Variants in WFDC8 observed in about 807,000 individuals in gnomAD.
The protein encoded by WFDC8 is WAP four-disulfide core domain protein 8.
WFDC8 carries 24 observed loss-of-function variants against 27.0 expected under a neutral mutation model. The observed-to-expected ratio is 0.89, with a 90% CI of 0.64 to 1.25. The LOEUF is 1.25. WFDC8 is among the 50% of genes most tolerant of loss of function. The pLI is 0.00. For synonymous variants in WFDC8, 106 were observed against 99.7 expected, an observed-to-expected ratio of 1.06 and a Z score of -0.38; for missense variants, 287 against 295.9, an observed-to-expected ratio of 0.97 and a Z score of 0.22.
At chr20:45,572,158 T>C (rs1980889648) in intron 1 of WFDC8, among the ~76,000 whole-genome samples, 1 of 152,122 alleles carries the variant, frequency 6.6e-6, no homozygotes, top group Non-Finnish European at 1.5e-5. Flanking sequence ...CCCAGCACTT[T>C]GGGAGGCCGA....
chr20:45,559,490 G>T (rs985274631), intron 2 of WFDC8, among the ~76,000 whole-genome samples: 3 of 152,170 alleles, frequency 2.0e-5, no homozygotes, highest in Non-Finnish European at 1.5e-5. Flanking sequence ...AGTGGAAGAA[G>T]CATTGTAGTC....
intron 4 of WFDC8, among the ~76,000 whole-genome samples, chr20:45,554,519 A>G (rs1980168948): frequency 6.6e-6 from 1 of 152,188 alleles, no homozygotes; most frequent in African/African-American, 2.4e-5. Context: ...TGCAAATTCT[A>G]CAAGGGCTTC....
At chr20:45,578,711 T>C (rs551239830) in intron 1 of WFDC8, among the ~76,000 whole-genome samples, 6 of 152,224 alleles carry the variant, frequency 3.9e-5, no homozygotes, top group Non-Finnish European at 8.8e-5. Flanking sequence ...GAATGAATAG[T>C]TGTGAATAAT....
At chr20:45,566,221 C>T (rs1180042033) in intron 1 of WFDC8, among the ~76,000 whole-genome samples, 2 of 152,008 alleles carry the variant, frequency 1.3e-5, no homozygotes, top group African/African-American at 4.8e-5. Context: ...AAAAACAAAT[C>T]CTTTTGCAAG....
At chr20:45,560,080 A>G (rs1980413594) in intron 2 of WFDC8, among the ~76,000 whole-genome samples, 1 of 152,226 alleles carries the variant, frequency 6.6e-6, no homozygotes, top group African/African-American at 2.4e-5. Flanking sequence ...TTTAAGGTCT[A>G]ATCTCTGGCC....
In WFDC8 at chr20:45,557,582, G is replaced by A. The variant is rs192786892; in HGVS notation, c.277+1270C>T. 3.3e-3 allele frequency among the ~76,000 whole-genome samples: 504 copies of A among 152,086 alleles called. 3 individuals carry two copies. The highest frequency in any genetic ancestry group is 0.011 in the African/African-American group (471 of 41,470). The stretch of plus-strand genomic sequence containing the variant: ...TGAGTAGCCGGGATTACAGGCACCC[G>A]CCAACATGCCCAGCTAATTTTTGTA... On this transcript the variant is annotated intron_variant, in intron 3 of 5. Transcript: ENST00000289953.
chr20:45,574,252 G>A lies in WFDC8; in HGVS notation c.26+4970C>T, dbSNP rs565333630. Among the ~76,000 whole-genome samples the A allele has an allele frequency of 3.3e-3, 496 of 152,150 alleles. 3 individuals are homozygous for A. Among genetic ancestry groups the A allele is most frequent in the African/African-American group, 0.011 (470 of 41,496 alleles). ...ATCGAAGAAAAATCTAGGATCTGAT[G>A]GCTTCATGACTTCATTCTACCAAAC... On this transcript the variant is annotated intron_variant, in intron 1 of 5. Transcript: ENST00000289953.
At chr20:45,572,500 A>C (rs921277667) in intron 1 of WFDC8, among the ~76,000 whole-genome samples, 1 of 151,892 alleles carries the variant, frequency 6.6e-6, no homozygotes, top group Non-Finnish European at 1.5e-5. Flanking sequence ...GCATGAGGTG[A>C]TACCTCATTG....
Position 45,558,884 on chromosome 20 carries a change from G to A in WFDC8, c.245C>T (p.Ala82Val). The A allele has an allele frequency of 6.2e-7, 1 of 1,614,122 alleles. No individual in the cohort carries two copies. Among genetic ancestry groups the A allele is most frequent in the South Asian group, 1.1e-5 (1 of 91,080 alleles). The change falls in exon 3 of 6, where the codon GCC becomes GTC. Residue 82 changes from alanine (A) to valine (V), a missense_variant. By Grantham distance (64) the Ala-to-Val change is moderately conservative. Transcript: ENST00000289953. ...CKEYQKCCFF[A>V]CQKKCMDPFQ... ...GGGATCCATGCACTTCTTCTGACAG[G>A]CAAAAAAGCAGCACTTCTGGTATTC...
At chr20:45,572,964 AGTT>A (rs1980920971) in intron 1 of WFDC8, among the ~76,000 whole-genome samples, 1 of 152,184 alleles carries the variant, frequency 6.6e-6, no homozygotes, top group Non-Finnish European at 1.5e-5. Flanking sequence ...TTTTAAATTG[AGTT>A]GTTTTCTTAC....
chr20:45,556,902 G>T (rs1440677312), intron 3 of WFDC8, among the ~76,000 whole-genome samples: 1 of 152,130 alleles, frequency 6.6e-6, no homozygotes, highest in Non-Finnish European at 1.5e-5. Flanking sequence ...ACTTCCCAAA[G>T]CCAAACTTGC....
In WFDC8 at chr20:45,551,950, A is replaced by G; in HGVS notation, c.*76T>C. 1 of 1,548,918 alleles carries G rather than the reference A, an allele frequency of 6.5e-7. No homozygotes were observed. Among genetic ancestry groups the G allele is most frequent in the Non-Finnish European group, 8.8e-7 (1 of 1,140,498 alleles). ...CTTAAGATAATTTGGCAAGTTGGAT[A>G]CAAGACAAAACTGACAGCTCTTTAT... On this transcript the variant is annotated 3_prime_UTR_variant, in exon 6 of 6. Coordinates refer to ENST00000289953, the MANE Select transcript of WFDC8 (RefSeq NM_130896.3).
Position 45,554,586 on chromosome 20 carries a change from C to T in WFDC8, c.445+1115G>A, listed in dbSNP as rs374344465. Among the ~76,000 whole-genome samples the T allele has an allele frequency of 7.9e-5, 12 of 152,324 alleles. No homozygotes were observed. The East Asian group carries it at 1.5e-3, about 20-fold the overall frequency. On this transcript the variant is annotated intron_variant, in intron 4 of 5. Transcript: ENST00000289953. ...ACTCTCAGAGGTATTATCAGGTTGC[C>T]TCTGAGTCTTAACCTAAATTTCCCA...
At chr20:45,564,887 AG>A (rs1209562466) in intron 1 of WFDC8, among the ~76,000 whole-genome samples, 1 of 148,264 alleles carries the variant, frequency 6.7e-6, no homozygotes, top group African/African-American at 2.5e-5. Context: ...GGAGAGGAGA[AG>A]AGAATAGGGG....
In WFDC8 at chr20:45,571,724, T is replaced by C. The variant is rs575810775; in HGVS notation, c.26+7498A>G. Among the ~76,000 whole-genome samples the C allele has an allele frequency of 5.3e-5, 8 of 152,364 alleles. No homozygotes were observed. The South Asian group carries it at 1.7e-3, about 32-fold the overall frequency. ...TTAGATTCCACATGTAAGTGAGACA[T>C]GCAATATTTGTCTTTCTCTGCCTGG... is the stretch of plus-strand genomic sequence containing the variant. On this transcript the variant is annotated intron_variant, in intron 1 of 5. Coordinates refer to ENST00000289953, the MANE Select transcript of WFDC8 (RefSeq NM_130896.3).
At chr20:45,552,367 C>A (rs551086704) in intron 5 of WFDC8, among the ~76,000 whole-genome samples, 1 of 152,272 alleles carries the variant, frequency 6.6e-6, no homozygotes, top group South Asian at 2.1e-4. Context: ...AAAAGTCTTA[C>A]CATCTCTGAC....
At chr20:45,555,321 T>A (rs1980197895) in intron 4 of WFDC8, among the ~76,000 whole-genome samples, 1 of 152,148 alleles carries the variant, frequency 6.6e-6, no homozygotes, top group African/African-American at 2.4e-5. Flanking sequence ...ATTCCAGAGC[T>A]GGCCTGTCTA....
In WFDC8 at chr20:45,552,053, T is replaced by C. The variant is rs777616307; in HGVS notation, c.699A>G (p.Gly233=). ...AACGTCTGGGGTCCATACATTTCAG[T>C]CCACAATGTGAGCAGCACTTTTCCA... ...PLVEKCCSHC[G]LKCMDPRR is the part of the protein sequence containing the mutation. The change falls in exon 6 of 6, where the codon GGA becomes GGG. Residue 233 remains glycine, a synonymous_variant. Coordinates refer to ENST00000289953, the MANE Select transcript of WFDC8 (RefSeq NM_130896.3). 6 of 1,614,106 alleles carry C rather than the reference T, an allele frequency of 3.7e-6. No individual in the cohort carries two copies. In the Admixed American group the frequency reaches 1.0e-4, roughly 27 times the overall value.
chr20:45,578,353 A>G (rs910464496), intron 1 of WFDC8, among the ~76,000 whole-genome samples: 3 of 151,388 alleles, frequency 2.0e-5, no homozygotes, highest in African/African-American at 7.3e-5. Flanking sequence ...TTGGTGTACA[A>G]AGAACTTTGA....
Sources: gnomAD v4.1 joint callset for allele counts (sites outside exome capture counted in the v4.1 genomes callset) on GRCh38, gnomAD v4.1.1 for gene constraint, MANE v1.5 for transcripts, NCBI Gene and HGNC (gene_info 2026-07-23, HGNC 2026-07-21) for gene names.